The following MYO6 variants were observed in gnomAD, a reference collection of about 807,000 sequenced individuals.
MYO6 encodes the protein unconventional myosin-VI.
MYO6 carries 74 observed loss-of-function variants against 178.7 expected under a neutral mutation model. The observed-to-expected ratio is 0.41, with a 90% confidence interval of 0.34 to 0.50. The LOEUF (loss-of-function observed/expected upper bound fraction) is 0.50. MYO6 is among the 20% of genes least tolerant of loss of function. The probability of loss-of-function intolerance (pLI) is 0.09; values close to 1 mark genes in which losing one functional copy is unlikely to be tolerated. For synonymous variants in MYO6, 477 were observed against 504.6 expected, an observed-to-expected ratio of 0.95 and a Z score of 0.73; for missense variants, 1,330 against 1,547.4, an observed-to-expected ratio of 0.86 and a Z score of 2.36.
chr6:75,776,653 A>AGT (rs35830759), intron 1 of MYO6, among the ~76,000 whole-genome samples: 87,172 of 144,562 alleles, frequency 0.6, 28,187 homozygotes, highest in Non-Finnish European at 0.74. Flanking sequence ...AGAAACGTGC[A>AGT]GTGTGTGTGT....
intron 1 of MYO6, among the ~76,000 whole-genome samples, chr6:75,786,190 T>C (rs1359925916): frequency 6.6e-6 from 1 of 152,220 alleles, no homozygotes; most frequent in Non-Finnish European, 1.5e-5. Flanking sequence ...CTTCCCAAAG[T>C]GCTGGGATTA....
At chr6:75,767,266 T>C (rs770705492) in intron 1 of MYO6, among the ~76,000 whole-genome samples, 1 of 152,086 alleles carries the variant, frequency 6.6e-6, no homozygotes, top group Non-Finnish European at 1.5e-5. Context: ...CCTCAAGTGA[T>C]CTGCCCATCT....
At chr6:75,822,945 C>T (rs560160661) in intron 3 of MYO6, 94 bp downstream of exon 3, 322 of 971,054 alleles carry the variant, frequency 3.3e-4, no homozygotes, top group African/African-American at 6.1e-4. Context: ...ATACACTGTG[C>T]GGGTTCAGAA....
rs10584481 is a variant in MYO6, at chr6:75,781,917, CAAAAAAAAAAA to C, written c.-48+32510_-48+32520del. 6.7e-5 allele frequency among the ~76,000 whole-genome samples: 3 copies of C among 44,678 alleles called. No individual in the cohort carries two copies. The East Asian group carries it at 2.1e-3, about 31-fold the overall frequency. 29.3% of individuals were successfully genotyped at this position (44,678 alleles called of 152,430 possible). A position where few individuals can be genotyped will look rare whatever the true frequency, so the allele number is the denominator to read the frequency against. ...TGAGCGACTGAGCAAGACTCCATCT[CAAAAAAAAAAA>C]AAAAAAAAAAAAAAAGATAAAGGAA... On this transcript the variant is annotated intron_variant, in intron 1 of 34. Transcript: ENST00000369977.
At chr6:75,788,001 T>C (rs1259271384) in intron 1 of MYO6, among the ~76,000 whole-genome samples, 1 of 151,630 alleles carries the variant, frequency 6.6e-6, no homozygotes, top group African/African-American at 2.4e-5. Context: ...GCTCAAGTAA[T>C]TCTCCTACCT....
chr6:75,875,991 C>T (rs1777540048), intron 20 of MYO6, among the ~76,000 whole-genome samples: 1 of 152,148 alleles, frequency 6.6e-6, no homozygotes, highest in Non-Finnish European at 1.5e-5. Flanking sequence ...TACACTCTCT[C>T]CCTCCCTTCT....
In MYO6 at chr6:75,898,287, T is replaced by C. The variant is rs1018451379; in HGVS notation, c.3138-86T>C. 1.9e-5 allele frequency: 16 copies of C among 857,076 alleles called. No homozygotes were observed. The Middle Eastern group carries it at 1.4e-3, about 76-fold the overall frequency. 53.1% of individuals were successfully genotyped at this position (857,076 alleles called of 1,614,324 possible). A position where few individuals can be genotyped will look rare whatever the true frequency, so the allele number is the denominator to read the frequency against. On this transcript the variant is annotated intron_variant, in intron 29 of 34. Coordinates refer to ENST00000369977, the MANE Select transcript of MYO6 (RefSeq NM_004999.4). ...GTTGTTAAATAATATTGAAAATATA[T>C]ATTTTAATTATACTTTTAGATCTTT...
At chr6:75,891,142 T>C in intron 26 of MYO6, 86 bp from the exon 27 acceptor site, 1 of 880,438 alleles carries the variant, frequency 1.1e-6, no homozygotes, top group Non-Finnish European at 1.8e-6. Flanking sequence ...GTTACCTTTG[T>C]TTATTATTAA....
intron 1 of MYO6, among the ~76,000 whole-genome samples, chr6:75,803,006 G>C (rs1342932884): frequency 6.6e-6 from 1 of 152,082 alleles, no homozygotes; most frequent in Non-Finnish European, 1.5e-5. Context: ...TTCTGAAAAA[G>C]TCTACTTTTT....
chr6:75,849,856 G>A (rs1370016646), intron 11 of MYO6, among the ~76,000 whole-genome samples: 4 of 152,118 alleles, frequency 2.6e-5, no homozygotes, highest in African/African-American at 4.8e-5. Context: ...ACCTTGCAGC[G>A]GCTTGGCAAA....
chr6:75,836,574 T>C (rs1424238197), intron 7 of MYO6, among the ~76,000 whole-genome samples: 1 of 151,752 alleles, frequency 6.6e-6, no homozygotes, highest in Non-Finnish European at 1.5e-5. Context: ...TAATTTCTTT[T>C]TCTTTTTCTT....
chr6:75,906,725 G>A (rs953920514), intron 30 of MYO6, among the ~76,000 whole-genome samples: 1 of 152,018 alleles, frequency 6.6e-6, no homozygotes, highest in African/African-American at 2.4e-5. Context: ...CAAAAAAGCA[G>A]GCCTTAAAGC....
intron 13 of MYO6, 50 bp from the exon 14 acceptor site, chr6:75,858,852 A>G: frequency 9.4e-7 from 1 of 1,064,884 alleles, no homozygotes; most frequent in Non-Finnish European, 1.4e-6. Flanking sequence ...TGATAAATTT[A>G]TATGAAGTTG....
At chr6:75,899,241 T>A (rs1302148993) in intron 30 of MYO6, among the ~76,000 whole-genome samples, 2 of 152,172 alleles carry the variant, frequency 1.3e-5, no homozygotes, top group African/African-American at 4.8e-5. Context: ...TCATTTGAAT[T>A]TAATGTAATT....
intron 20 of MYO6, among the ~76,000 whole-genome samples, chr6:75,878,979 A>T (rs141093076): frequency 6.6e-6 from 1 of 152,218 alleles, no homozygotes. Context: ...TAATCATCCC[A>T]GTAGTCTAGT....
chr6:75,892,031 TATC>T (rs971387709), intron 27 of MYO6, among the ~76,000 whole-genome samples: 5 of 152,232 alleles, frequency 3.3e-5, no homozygotes, highest in African/African-American at 1.2e-4. Context: ...AGTTTTAAAA[TATC>T]ATATAACTTT....
intron 1 of MYO6, among the ~76,000 whole-genome samples, chr6:75,774,039 A>G (rs900223900): frequency 1.6e-4 from 24 of 152,170 alleles, no homozygotes; most frequent in African/African-American, 5.6e-4. Context: ...TGTTTCTCTG[A>G]CTAATGCTGC....
At chr6:75,864,520 T>C (rs1351370800) in intron 16 of MYO6, among the ~76,000 whole-genome samples, 2 of 152,210 alleles carry the variant, frequency 1.3e-5, no homozygotes, top group Non-Finnish European at 2.9e-5. Context: ...TCCAATCCTA[T>C]TCCTTAATAG....
At chr6:75,831,709 A>G (rs901540210) in intron 5 of MYO6, among the ~76,000 whole-genome samples, 2 of 151,934 alleles carry the variant, frequency 1.3e-5, no homozygotes, top group African/African-American at 2.4e-5. Flanking sequence ...CTGGGCAAAC[A>G]TGCAAAATCT....
Sources: gnomAD v4.1 joint callset for allele counts (sites outside exome capture counted in the v4.1 genomes callset) on GRCh38, gnomAD v4.1.1 for gene constraint, MANE v1.5 for transcripts, NCBI Gene and HGNC (gene_info 2026-07-23, HGNC 2026-07-21) for gene names.